CAMK4: variants seen among roughly 807,000 people sequenced by gnomAD.
CAMK4 encodes the protein calcium/calmodulin dependent protein kinase IV.
A neutral mutation model predicts 44.9 loss-of-function variants in CAMK4; 22 were observed. That is an observed-to-expected ratio of 0.49 (90% CI 0.35 to 0.70). The LOEUF (loss-of-function observed/expected upper bound fraction) is 0.70, where lower values mean the gene tolerates loss of function less well. Ranked by LOEUF, CAMK4 falls within the 30% of genes least tolerant of loss-of-function variation. CAMK4 has a pLI of 0.01. For missense variants in CAMK4, 498 were observed against 586.8 expected (o/e 0.85, Z 1.56); for synonymous variants, 218 against 215.4 (o/e 1.01, Z -0.11).
At chr5:111,323,697 T>TA (rs1420552359) in intron 1 of CAMK4, among the ~76,000 whole-genome samples, 1 of 152,080 alleles carries the variant, frequency 6.6e-6, no homozygotes, top group Non-Finnish European at 1.5e-5. Context: ...ATAGACATTT[T>TA]AAAATAAATG....
intron 5 of CAMK4, among the ~76,000 whole-genome samples, chr5:111,408,810 C>T (rs963809076): frequency 5.9e-5 from 9 of 152,126 alleles, no homozygotes; most frequent in Admixed American, 5.9e-4. Flanking sequence ...GAGAAATTGG[C>T]CAAAACATAG....
intron 4 of CAMK4, among the ~76,000 whole-genome samples, chr5:111,388,532 G>A (rs1013214169): frequency 5.3e-5 from 8 of 152,064 alleles, no homozygotes; most frequent in Admixed American, 6.6e-5. Context: ...TTTCAGGTGT[G>A]AGCTGAGATA....
chr5:111,470,096 C>T (rs1382444997), intron 7 of CAMK4, among the ~76,000 whole-genome samples: 1 of 152,188 alleles, frequency 6.6e-6, no homozygotes, highest in African/African-American at 2.4e-5. Flanking sequence ...GGAACATCTC[C>T]TAGAGACAAA....
intron 5 of CAMK4, among the ~76,000 whole-genome samples, chr5:111,411,500 G>A (rs1045256654): frequency 3.3e-5 from 5 of 152,274 alleles, no homozygotes; most frequent in Middle Eastern, 3.4e-3. Context: ...AATAAATTCC[G>A]CATAGTCAGG....
intron 5 of CAMK4, among the ~76,000 whole-genome samples, chr5:111,417,145 T>A (rs560750396): frequency 6.6e-6 from 1 of 152,048 alleles, no homozygotes; most frequent in East Asian, 1.9e-4. Context: ...TACTGCAGCC[T>A]CAATCTTCTG....
At chr5:111,267,082 C>T (rs1449866025) in intron 1 of CAMK4, among the ~76,000 whole-genome samples, 1 of 152,156 alleles carries the variant, frequency 6.6e-6, no homozygotes, top group Non-Finnish European at 1.5e-5. Context: ...GGAGCCTCTT[C>T]AGGTTGGTCC....
At chr5:111,360,242 T>C (rs1750534862) in intron 2 of CAMK4, among the ~76,000 whole-genome samples, 1 of 152,110 alleles carries the variant, frequency 6.6e-6, no homozygotes, top group African/African-American at 2.4e-5. Context: ...ATTGAGTTCA[T>C]CTGTCTCTCA....
chr5:111,429,348 G>A (rs893614651), intron 5 of CAMK4, among the ~76,000 whole-genome samples: 1 of 152,148 alleles, frequency 6.6e-6, no homozygotes, highest in Non-Finnish European at 1.5e-5. Flanking sequence ...TAGTGCTACT[G>A]CGAGCAACTA....
intron 4 of CAMK4, among the ~76,000 whole-genome samples, chr5:111,387,324 T>A (rs1480897522): frequency 6.6e-6 from 1 of 152,184 alleles, no homozygotes; most frequent in Non-Finnish European, 1.5e-5. Context: ...ATTGGCAAAT[T>A]TTTTGAGATG....
chr5:111,396,015 A>G (rs550623991), intron 5 of CAMK4, among the ~76,000 whole-genome samples: 5 of 152,264 alleles, frequency 3.3e-5, no homozygotes, highest in Non-Finnish European at 5.9e-5. Context: ...CACAGGTCCT[A>G]TGAGTTTTAC....
chr5:111,238,159 C>T (rs1748816796), intron 1 of CAMK4, among the ~76,000 whole-genome samples: 1 of 152,120 alleles, frequency 6.6e-6, no homozygotes, highest in African/African-American at 2.4e-5. Context: ...AGTCCAGTTA[C>T]CCCTAGGCCC....
intron 1 of CAMK4, 86 bp from the exon 2 acceptor site, chr5:111,343,938 A>C: frequency 1.3e-6 from 1 of 748,936 alleles, no homozygotes; most frequent in South Asian, 1.6e-5. Flanking sequence ...TATGTGGGTT[A>C]TTGCAAGATA....
chr5:111,286,251 G>A (rs760929022), intron 1 of CAMK4, among the ~76,000 whole-genome samples: 3 of 152,064 alleles, frequency 2.0e-5, no homozygotes, highest in Admixed American at 1.3e-4. Context: ...TAGCATCTTC[G>A]TAAAGATGGA....
intron 5 of CAMK4, among the ~76,000 whole-genome samples, chr5:111,431,241 C>A (rs1424986579): frequency 6.6e-6 from 1 of 152,048 alleles, no homozygotes; most frequent in Non-Finnish European, 1.5e-5. Flanking sequence ...GACAAAGGTG[C>A]CAAGAACATA....
intron 7 of CAMK4, among the ~76,000 whole-genome samples, chr5:111,453,503 C>T (rs1754305339): frequency 6.6e-6 from 1 of 152,026 alleles, no homozygotes; most frequent in Admixed American, 6.6e-5. Flanking sequence ...AGGAAACTGT[C>T]CATTTATAGA....
At chr5:111,248,721 A>G (rs1294924514) in intron 1 of CAMK4, among the ~76,000 whole-genome samples, 1 of 152,194 alleles carries the variant, frequency 6.6e-6, no homozygotes, top group Non-Finnish European at 1.5e-5. Context: ...ATATTATCAG[A>G]TCAAACAGAG....
At chr5:111,321,494 G>T (rs1256557859) in intron 1 of CAMK4, among the ~76,000 whole-genome samples, 2 of 138,358 alleles carry the variant, frequency 1.4e-5, no homozygotes, top group Non-Finnish European at 3.2e-5. Context: ...AATATTAAAT[G>T]CTAGATATTA....
At chr5:111,243,599 A>G (rs1011937407) in intron 1 of CAMK4, among the ~76,000 whole-genome samples, 1 of 152,196 alleles carries the variant, frequency 6.6e-6, no homozygotes, top group Non-Finnish European at 1.5e-5. Context: ...TGGAAATTTT[A>G]CTAGCCCTAT....
At chr5:111,445,098 T>C (rs1018553481) in intron 5 of CAMK4, among the ~76,000 whole-genome samples, 2 of 152,226 alleles carry the variant, frequency 1.3e-5, no homozygotes, top group Non-Finnish European at 2.9e-5. Context: ...CTTCCAGGTA[T>C]CTGTCCTAGA....
Sources: allele counts gnomAD v4.1 joint callset (sites outside exome capture counted in the v4.1 genomes callset), GRCh38; gene constraint gnomAD v4.1.1; transcripts MANE v1.5; gene names NCBI Gene and HGNC (gene_info 2026-07-23, HGNC 2026-07-21).